The following GRIK4 variants were observed in gnomAD, a reference collection of about 807,000 sequenced individuals.
GRIK4 encodes glutamate receptor ionotropic, kainate 4.
GRIK4 carries 40 observed loss-of-function variants against 104.9 expected under a neutral mutation model. That is an observed-to-expected ratio of 0.38 (90% CI 0.30 to 0.50). The LOEUF (loss-of-function observed/expected upper bound fraction) is 0.50. Among genes scored for constraint, GRIK4 ranks in the 20% least tolerant of loss-of-function variants. GRIK4 has a pLI of 0.93. For missense variants in GRIK4, 1,047 were observed against 1,308.1 expected, an observed-to-expected ratio of 0.80 and a Z score of 3.08; for synonymous variants, 485 against 524.9, an observed-to-expected ratio of 0.92 and a Z score of 1.04.
At chr11:120,607,272 CTTGTA>C (rs900050077) in intron 1 of GRIK4, among the ~76,000 whole-genome samples, 1 of 152,188 alleles carries the variant, frequency 6.6e-6, no homozygotes, top group African/African-American at 2.4e-5. Context: ...GAGAAAATGA[CTTGTA>C]TTGTAACGGG....
At chr11:120,704,947 A>C (rs992527932) in intron 3 of GRIK4, among the ~76,000 whole-genome samples, 3 of 152,244 alleles carry the variant, frequency 2.0e-5, no homozygotes, top group African/African-American at 7.2e-5. Flanking sequence ...TTTGTTGAAT[A>C]GACTGTTCTT....
intron 4 of GRIK4, among the ~76,000 whole-genome samples, chr11:120,808,401 G>T (rs1952759699): frequency 6.6e-6 from 1 of 152,232 alleles, no homozygotes; most frequent in South Asian, 2.1e-4. Flanking sequence ...TCTCAGGGTT[G>T]TTGTAGAGAT....
intron 1 of GRIK4, among the ~76,000 whole-genome samples, chr11:120,577,819 G>A (rs892047552): frequency 1.3e-5 from 2 of 152,178 alleles, no homozygotes; most frequent in African/African-American, 4.8e-5. Flanking sequence ...TGTTTAGCTG[G>A]CTGAGGGCTT....
intron 19 of GRIK4, among the ~76,000 whole-genome samples, chr11:120,978,054 G>C (rs1944590582): frequency 6.6e-6 from 1 of 152,202 alleles, no homozygotes; most frequent in African/African-American, 2.4e-5. Context: ...TATGGGTCCA[G>C]AGCTTTTGGT....
At chr11:120,707,162 G>A (rs1056743608) in intron 3 of GRIK4, among the ~76,000 whole-genome samples, 1 of 152,218 alleles carries the variant, frequency 6.6e-6, no homozygotes, top group Non-Finnish European at 1.5e-5. Context: ...CTGGAGGCAA[G>A]AAGACAGAGA....
At chr11:120,671,824 T>C (rs2135267435) in intron 3 of GRIK4, among the ~76,000 whole-genome samples, 1 of 152,316 alleles carries the variant, frequency 6.6e-6, no homozygotes, top group South Asian at 2.1e-4. Flanking sequence ...TGAATGGTAT[T>C]GCCTAGGTTT....
intron 16 of GRIK4, among the ~76,000 whole-genome samples, chr11:120,958,670 T>C (rs1227559446): frequency 6.6e-6 from 1 of 152,218 alleles, no homozygotes; most frequent in South Asian, 2.1e-4. Flanking sequence ...ATCATTCCCT[T>C]TCTCAGCAGA....
At chr11:120,532,153 A>C (rs1241436986) in intron 1 of GRIK4, among the ~76,000 whole-genome samples, 1 of 152,154 alleles carries the variant, frequency 6.6e-6, no homozygotes, top group African/African-American at 2.4e-5. Context: ...CTGCTGGCAC[A>C]AGGGTGATTG....
chr11:120,633,214 A>G (rs4936534), intron 1 of GRIK4, among the ~76,000 whole-genome samples: 4 of 151,936 alleles, frequency 2.6e-5, no homozygotes, highest in Admixed American at 6.6e-5. Flanking sequence ...TGAAGTGCCA[A>G]TGGCAAGGTA....
chr11:120,571,504 C>A (rs1948398574), intron 1 of GRIK4, among the ~76,000 whole-genome samples: 1 of 152,290 alleles, frequency 6.6e-6, no homozygotes, highest in African/African-American at 2.4e-5. Context: ...CAGGACCCTC[C>A]TGCATGCTGC....
intron 3 of GRIK4, among the ~76,000 whole-genome samples, chr11:120,664,986 G>A (rs997054634): frequency 1.3e-5 from 2 of 152,024 alleles, no homozygotes; most frequent in South Asian, 2.1e-4. Flanking sequence ...TCTGTCTTAC[G>A]AGGACCCTCC....
At chr11:120,856,661 G>T (rs554957368) in intron 8 of GRIK4, among the ~76,000 whole-genome samples, 1 of 152,298 alleles carries the variant, frequency 6.6e-6, no homozygotes, top group African/African-American at 2.4e-5. Flanking sequence ...GGAAGGGGCT[G>T]TTGGGCAGAA....
rs1207682879 is a variant in GRIK4 at position 120,952,828 on chromosome 11, G to A, written c.1591-27G>A. ...GTCATGTTGACTGAATATGTGCGGTGAATCTTGTTTTTCTCTCCATTTCCA... is the reference window on the plus strand; with the variant it reads ...GTCATGTTGACTGAATATGTGCGGTAAATCTTGTTTTTCTCTCCATTTCCA... On this transcript the variant is annotated intron_variant, in intron 14 of 20. Transcript: ENST00000527524. This position sits in a 1 kb window ranked among gnomAD's most constrained non-coding sequence, Gnocchi z 5.2. The A allele has an allele frequency of 1.3e-6, 2 of 1,496,170 alleles. No individual in the cohort carries two copies. The highest frequency in any genetic ancestry group is 2.3e-5 in the South Asian group (2 of 88,828). 92.7% of individuals were successfully genotyped at this position (1,496,170 alleles called of 1,614,324 possible).
chr11:120,610,218 G>C (rs766263054), intron 1 of GRIK4, among the ~76,000 whole-genome samples: 2 of 152,244 alleles, frequency 1.3e-5, no homozygotes, highest in African/African-American at 2.4e-5. Flanking sequence ...TCAGTGAGGA[G>C]CTGATTTGCT....
At position 120,819,775 on chromosome 11, in the gene GRIK4, C is replaced by T; in HGVS notation, c.366C>T (p.Ala122=). ...GEKEVPHFKV[A]PEEFVKFQFQ... Reference sequence around the variant, plus strand: ...GCCAGGTCCCTCACTTCAAAGTGGCCCCAGAGGAGTTCGTCAAGTTCCAGT... The same window carrying T: ...GCCAGGTCCCTCACTTCAAAGTGGCTCCAGAGGAGTTCGTCAAGTTCCAGT... The change falls in exon 6 of 21, where the codon GCC becomes GCT. Residue 122 remains alanine, a synonymous_variant. Coordinates refer to ENST00000527524, the MANE Select transcript of GRIK4 (RefSeq NM_014619.5). This position sits in a 1 kb window ranked among gnomAD's most constrained non-coding sequence, Gnocchi z 4.3. 6.2e-7 allele frequency: 1 copy of T among 1,614,112 alleles called. No homozygotes were observed.
chr11:120,635,293 T>A lies in GRIK4; in HGVS notation c.-158-18392T>A, dbSNP rs556601539. Among the ~76,000 whole-genome samples the A allele has an allele frequency of 3.3e-5, 5 of 152,292 alleles. No individual in the cohort carries two copies. The South Asian group carries it at 1.0e-3, about 32-fold the overall frequency. On this transcript the variant is annotated intron_variant, in intron 1 of 20. Coordinates refer to ENST00000527524, the MANE Select transcript of GRIK4 (RefSeq NM_014619.5). ...CTGCAACCACCCAAGGTGCACTGAGTCAGCTATGCAAATTGAGAGGCGTAG... is the reference window on the plus strand; with the variant it reads ...CTGCAACCACCCAAGGTGCACTGAGACAGCTATGCAAATTGAGAGGCGTAG...
chr11:120,604,335 C>G (rs1317245485), intron 1 of GRIK4, among the ~76,000 whole-genome samples: 3 of 152,168 alleles, frequency 2.0e-5, no homozygotes, highest in Non-Finnish European at 2.9e-5. Flanking sequence ...GTGGTACCCC[C>G]TGGGCATCGC....
At chr11:120,618,987 A>G (rs1047150094) in intron 1 of GRIK4, among the ~76,000 whole-genome samples, 1 of 152,184 alleles carries the variant, frequency 6.6e-6, no homozygotes, top group African/African-American at 2.4e-5. Flanking sequence ...GAGGGTCACC[A>G]TCCTCCACAC....
chr11:120,855,445 G>GTTA, intron 8 of GRIK4, among the ~76,000 whole-genome samples: 1 of 152,218 alleles, frequency 6.6e-6, no homozygotes, highest in African/African-American at 2.4e-5. Context: ...AATTGTAGTA[G>GTTA]TTATTATTAG....
Sources: gnomAD v4.1 joint callset for allele counts (sites outside exome capture counted in the v4.1 genomes callset) on GRCh38, gnomAD v4.1.1 for gene constraint, Gnocchi (gnomAD v3.1) non-coding constraint, MANE v1.5 for transcripts, NCBI Gene and HGNC (gene_info 2026-07-23, HGNC 2026-07-21) for gene names.